Variants in ABHD2 observed in about 807,000 individuals in gnomAD.
The protein encoded by ABHD2 is abhydrolase domain containing 2, acylglycerol lipase.
A neutral mutation model predicts 48.1 loss-of-function variants in ABHD2; 20 were observed. The ratio of observed to expected loss-of-function variants is 0.42; its 90% CI spans 0.29 to 0.60. The LOEUF is 0.60. Ranked by LOEUF, ABHD2 falls within the 20% of genes least tolerant of loss-of-function variation. ABHD2 has a pLI of 0.24. For missense variants in ABHD2, 405 were observed against 550.9 expected (o/e 0.74, Z 2.65); for synonymous variants, 209 against 214.2 (o/e 0.98, Z 0.21).
rs565894022 is a variant in ABHD2, at chr15:89,169,086, CG to C, written c.539-6725del. 4.4e-3 allele frequency among the ~76,000 whole-genome samples: 675 copies of C among 151,878 alleles called. 4 individuals are homozygous for C. The highest frequency in any genetic ancestry group is 0.016 in the African/African-American group (644 of 41,388). On this transcript the variant is annotated intron_variant, in intron 5 of 10. Transcript: ENST00000352732. ...CCAGCCTAGGGAGACAGAGCGAGACCGTCTCAAAAAAATAAGAATAAAAATA... is the reference window on the plus strand; with the variant it reads ...CCAGCCTAGGGAGACAGAGCGAGACCTCTCAAAAAAATAAGAATAAAAATA...
rs1414462806 is a variant in ABHD2, at chr15:89,104,587, T to A, written c.-106-9138T>A. On this transcript the variant is annotated intron_variant, in intron 1 of 10. Coordinates refer to ENST00000352732, the MANE Select transcript of ABHD2 (RefSeq NM_152924.5). The surrounding 1 kb of genome is among the most constrained non-coding windows in gnomAD (Gnocchi z 4.4). ...AACCAGAACGCTCAGGAACGGTGAG[T>A]CCCAGTTATTTTTATTTTCTCATTA... 6.6e-6 allele frequency among the ~76,000 whole-genome samples: 1 copy of A among 151,980 alleles called. No homozygotes were observed.
intron 5 of ABHD2, among the ~76,000 whole-genome samples, chr15:89,156,979 T>C (rs1341202712): frequency 6.6e-6 from 1 of 152,210 alleles, no homozygotes; most frequent in Non-Finnish European, 1.5e-5. Context: ...CCCTTCTGTC[T>C]TTATCAATGT....
Position 89,195,342 on chromosome 15 carries a change from G to GTA in ABHD2, c.1198_1199dup (p.Ala401ThrfsTer100), listed in dbSNP as rs779256334. The stretch of plus-strand genomic sequence containing the variant: ...CATGGATGGATAAGCTGGTGGTGGA[G>GTA]TACGCCAACGCCATTTGCCAATGGG... On this transcript the variant is annotated frameshift_variant, in exon 11 of 11. Coordinates refer to ENST00000352732, the MANE Select transcript of ABHD2 (RefSeq NM_152924.5). LOFTEE classifies it high-confidence loss of function. The surrounding 1 kb of genome is among the most constrained non-coding windows in gnomAD (Gnocchi z 5.1). 1 of 1,614,262 alleles carries GTA rather than the reference G, an allele frequency of 6.2e-7. No individual in the cohort carries two copies. Among genetic ancestry groups the GTA allele is most frequent in the Non-Finnish European group, 8.5e-7 (1 of 1,180,044 alleles).
intron 1 of ABHD2, among the ~76,000 whole-genome samples, chr15:89,108,490 A>G (rs559457674): frequency 3.9e-5 from 6 of 152,218 alleles, no homozygotes; most frequent in Non-Finnish European, 8.8e-5. Flanking sequence ...GCAAAGACCC[A>G]ATTCCAAATA....
chr15:89,147,350 C>CTTTTTTTT (rs35188439), intron 3 of ABHD2, among the ~76,000 whole-genome samples: 16 of 100,356 alleles, frequency 1.6e-4, no homozygotes, highest in African/African-American at 6.3e-4. Flanking sequence ...TTGCATAGCT[C>CTTTTTTTT]TTTTTTTTTT....
At chr15:89,183,924 G>A (rs911219778) in intron 6 of ABHD2, among the ~76,000 whole-genome samples, 25 of 152,232 alleles carry the variant, frequency 1.6e-4, no homozygotes, top group African/African-American at 5.5e-4. Flanking sequence ...GTTGTGGCTC[G>A]GTGATTGGGT....
At chr15:89,135,531 A>T in intron 3 of ABHD2, 2 of 1,327,452 alleles carry the variant, frequency 1.5e-6, no homozygotes, top group Non-Finnish European at 1.1e-6. Flanking sequence ...AAAAAACTAC[A>T]CTAGAACCAA....
the ABHD2 span, among the ~76,000 whole-genome samples, chr15:89,065,561 G>A: frequency 6.6e-6 from 1 of 152,142 alleles, no homozygotes; most frequent in South Asian, 2.1e-4. Flanking sequence ...AATGATCTTA[G>A]ACATTACATT....
rs748983183 is a variant in ABHD2 at position 89,170,080 on chromosome 15, C to CTTTTTTTTTTTTTT, written c.539-5712_539-5699dup. Among the ~76,000 whole-genome samples the CTTTTTTTTTTTTTT allele has an allele frequency of 4.0e-4, 15 of 37,502 alleles. 4 individuals carry two copies. The highest frequency in any genetic ancestry group is 4.9e-4 in the Non-Finnish European group (9 of 18,420). The allele number at this position is 37,502 out of a possible 152,430, so 24.6% of individuals were successfully genotyped here. ...GAGCCATTCCATGTCAGATCAGATT[C>CTTTTTTTTTTTTTT]TTTTTTTTTTTTTTTTTTTTTTTTT... On this transcript the variant is annotated intron_variant, in intron 5 of 10. Coordinates refer to ENST00000352732, the MANE Select transcript of ABHD2 (RefSeq NM_152924.5).
At chr15:89,135,464 G>GT in intron 3 of ABHD2, 1 of 743,186 alleles carries the variant, frequency 1.3e-6, no homozygotes, top group Non-Finnish European at 2.3e-6. Context: ...TTACATTTCA[G>GT]TTTTTTTCTT....
chr15:89,064,119 GTGTCTGGCTTA>G, the ABHD2 span, among the ~76,000 whole-genome samples: 1 of 151,614 alleles, frequency 6.6e-6, no homozygotes, highest in Admixed American at 6.6e-5. Flanking sequence ...TTGCCCTCTT[GTGTCTGGCTTA>G]TTTAGCATAA....
intron 3 of ABHD2, among the ~76,000 whole-genome samples, chr15:89,140,715 C>G (rs970876781): frequency 3.9e-5 from 6 of 152,152 alleles, no homozygotes; most frequent in African/African-American, 1.4e-4. Context: ...CTGCTGGTAC[C>G]AGGGCCTGTG....
In ABHD2 at chr15:89,183,384, A is replaced by AAAAATATATAT. The variant is rs61602174; in HGVS notation, c.723-2039_723-2038insAAATATATATA. 1.9e-3 allele frequency: 86 copies of AAAAATATATAT among 46,204 alleles called. 1 individual carries two copies. The highest frequency in any genetic ancestry group is 4.5e-3 in the African/African-American group (65 of 14,374). 2.9% of individuals were successfully genotyped at this position (46,204 alleles called of 1,614,324 possible). The stretch of plus-strand genomic sequence containing the variant: ...AGTCCTTTTCAAAAAAAAAAAAAAA[A>AAAAATATATAT]ATATATATATATATATATATATATA... On this transcript the variant is annotated intron_variant, in intron 6 of 10. Coordinates refer to ENST00000352732, the MANE Select transcript of ABHD2 (RefSeq NM_152924.5).
intron 9 of ABHD2, 63 bp downstream of exon 9, chr15:89,191,212 A>C (rs1567113332): frequency 7.9e-6 from 12 of 1,518,372 alleles, no homozygotes; most frequent in Non-Finnish European, 9.9e-6. Flanking sequence ...ACAATACGAC[A>C]GATACCTCTC....
At chr15:89,080,803 T>A in the ABHD2 span, among the ~76,000 whole-genome samples, 13 of 151,388 alleles carry the variant, frequency 8.6e-5, no homozygotes, top group African/African-American at 3.2e-4. Flanking sequence ...CAAGTGATTC[T>A]CCTGCCTCAG....
intron 1 of ABHD2, among the ~76,000 whole-genome samples, chr15:89,093,050 TC>T (rs1901658202): frequency 7.3e-6 from 1 of 137,522 alleles, no homozygotes; most frequent in Non-Finnish European, 1.5e-5. Context: ...CTTGGGCCCT[TC>T]TTCGCCTTGC....
chr15:89,061,032 C>G, the ABHD2 span, among the ~76,000 whole-genome samples: 1 of 151,894 alleles, frequency 6.6e-6, no homozygotes. Flanking sequence ...TAGAGCTAAA[C>G]AATGGGTACT....
At position 89,176,075 on chromosome 15, in the gene ABHD2, T is replaced by C. The variant is rs1567105496; in HGVS notation, c.722+80T>C. ...TGCCCCGACGCACAACACACTGTTC[T>C]GTGAAGACCGGGGAACACTGTGGCC... is the stretch of plus-strand genomic sequence containing the variant. On this transcript the variant is annotated intron_variant, in intron 6 of 10. Transcript: ENST00000352732. This position sits in a 1 kb window ranked among gnomAD's most constrained non-coding sequence, Gnocchi z 4.5. The C allele has an allele frequency of 7.1e-7, 1 of 1,414,650 alleles. No homozygotes were observed. Among genetic ancestry groups the C allele is most frequent in the Non-Finnish European group, 9.6e-7 (1 of 1,046,770 alleles). The allele number at this position is 1,414,650 out of a possible 1,614,324, so 87.6% of individuals were successfully genotyped here.
rs2050491872 is a variant in ABHD2 at position 89,146,381 on chromosome 15, T to TGC, written c.195-5295_195-5294insCG. On this transcript the variant is annotated intron_variant, in intron 3 of 10. Coordinates refer to ENST00000352732, the MANE Select transcript of ABHD2 (RefSeq NM_152924.5). The surrounding 1 kb of genome is among the most constrained non-coding windows in gnomAD (Gnocchi z 4.2). ...GTGTGTGTGTGTGTGTGTGTGTGTG[T>TGC]GTGTGTGTGTGTGTGTGTACGTATG... Among the ~76,000 whole-genome samples, 1 of 150,572 alleles carries TGC rather than the reference T, an allele frequency of 6.6e-6. No homozygotes were observed. The highest frequency in any genetic ancestry group is 1.5e-5 in the Non-Finnish European group (1 of 67,640).
Sources: allele counts gnomAD v4.1 joint callset (sites outside exome capture counted in the v4.1 genomes callset), GRCh38; gene constraint gnomAD v4.1.1; non-coding constraint Gnocchi (gnomAD v3.1); transcripts MANE v1.5; gene names NCBI Gene and HGNC (gene_info 2026-07-23, HGNC 2026-07-21).